The following LTBP1 variants were observed in gnomAD, a reference collection of about 807,000 sequenced individuals.
The protein encoded by LTBP1 is latent-transforming growth factor beta-binding protein 1.
In LTBP1, 129 loss-of-function variants were observed where a neutral mutation model predicts 207.6. That is an observed-to-expected ratio of 0.62 (90% confidence interval 0.54 to 0.72). The LOEUF (loss-of-function observed/expected upper bound fraction) is 0.72, where lower values mean the gene tolerates loss of function less well. Ranked by LOEUF, LTBP1 falls within the 30% of genes least tolerant of loss-of-function variation. The probability of loss-of-function intolerance (pLI) is 0.00; values close to 1 mark genes in which losing one functional copy is unlikely to be tolerated. For synonymous variants in LTBP1, 963 were observed against 833.7 expected (o/e 1.16, Z -2.67); for missense variants, 2,281 against 2,217.2 (o/e 1.03, Z -0.58).
rs758511523 is a variant in LTBP1, at chr2:33,301,585, C to A, written c.3422C>A (p.Ser1141Tyr). 6.2e-7 allele frequency: 1 copy of A among 1,613,094 alleles called. No homozygotes were observed. Among genetic ancestry groups the A allele is most frequent in the Non-Finnish European group, 8.5e-7 (1 of 1,179,660 alleles). ...AHGQCRNTEG[S>Y]FQCVCDQGYR... ...GGGCAGTGCAGGAACACTGAGGGCT[C>A]TTTTCAATGTGTGTGTGACCAGGGT... The change falls in exon 22 of 34, where the codon TCT becomes TAT. Residue 1141 changes from serine (S) to tyrosine (Y), a missense_variant. Ser to Tyr is a moderately radical substitution (Grantham distance 144). Around this residue, in one of 3 missense-constraint regions of LTBP1, gnomAD observed 1,671 missense variants for 1,634.8 expected, o/e 1.02. Transcript: ENST00000404816.
chr2:33,167,459 A>C (rs1245135237), intron 5 of LTBP1, among the ~76,000 whole-genome samples: 1 of 152,214 alleles, frequency 6.6e-6, no homozygotes, highest in Non-Finnish European at 1.5e-5. Context: ...TGAGGTCCAA[A>C]AACTGTTTCT....
intron 3 of LTBP1, among the ~76,000 whole-genome samples, chr2:33,075,616 T>C (rs1407658800): frequency 6.6e-6 from 1 of 152,330 alleles, no homozygotes; most frequent in African/African-American, 2.4e-5. Flanking sequence ...GGCTGTAAAA[T>C]TGAACCGTTA....
chr2:33,128,415 C>T (rs2081572494), intron 4 of LTBP1, among the ~76,000 whole-genome samples: 1 of 152,160 alleles, frequency 6.6e-6, no homozygotes, highest in African/African-American at 2.4e-5. Flanking sequence ...TTGCTCTGCT[C>T]CTTATTCTGT....
Position 33,119,749 on chromosome 2 carries a change from G to A in LTBP1, c.1033+8998G>A, listed in dbSNP as rs888479543. ...ATTTTTTTGTATTTTTAGTAGAGGC[G>A]GGGTTTCACCATATTAGCCAGGATG... On this transcript the variant is annotated intron_variant, in intron 4 of 33. Transcript: ENST00000404816. Among the ~76,000 whole-genome samples, 13 of 152,134 alleles carry A rather than the reference G, an allele frequency of 8.5e-5. 1 individual carries two copies. The East Asian group carries it at 1.2e-3, about 14-fold the overall frequency.
At chr2:33,326,947 C>G (rs2094435988) in intron 24 of LTBP1, among the ~76,000 whole-genome samples, 1 of 152,144 alleles carries the variant, frequency 6.6e-6, no homozygotes, top group Non-Finnish European at 1.5e-5. Context: ...TTGCACCTGG[C>G]TGATATAATT....
At chr2:33,062,318 C>G (rs951700893) in intron 3 of LTBP1, among the ~76,000 whole-genome samples, 1 of 151,948 alleles carries the variant, frequency 6.6e-6, no homozygotes, top group Non-Finnish European at 1.5e-5. Context: ...TTGTTGAGGT[C>G]TGATTTTGTA....
At chr2:33,361,309 A>G in intron 27 of LTBP1, 120 bp from the exon 28 acceptor site, 1 of 563,334 alleles carries the variant, frequency 1.8e-6, no homozygotes, top group Non-Finnish European at 3.1e-6. Flanking sequence ...AGATTGTACT[A>G]AATTTATTTG....
At chr2:33,087,521 G>A (rs1010087415) in intron 3 of LTBP1, among the ~76,000 whole-genome samples, 3 of 151,822 alleles carry the variant, frequency 2.0e-5, no homozygotes, top group African/African-American at 7.2e-5. Context: ...TTTAAGATGG[G>A]GGAATTTATT....
intron 13 of LTBP1, among the ~76,000 whole-genome samples, chr2:33,261,448 G>T (rs928408834): frequency 1.3e-5 from 2 of 152,314 alleles, no homozygotes; most frequent in Non-Finnish European, 2.9e-5. Context: ...CTGAATTTTG[G>T]TAGGTCTACT....
intron 4 of LTBP1, among the ~76,000 whole-genome samples, chr2:33,111,425 C>T (rs2080393316): frequency 6.6e-6 from 1 of 152,206 alleles, no homozygotes; most frequent in Non-Finnish European, 1.5e-5. Flanking sequence ...GAGAGCTAGA[C>T]ACACGCTCTC....
chr2:33,045,799 G>C (rs149503060), intron 3 of LTBP1, among the ~76,000 whole-genome samples: 1 of 152,084 alleles, frequency 6.6e-6, no homozygotes, highest in African/African-American at 2.4e-5. Flanking sequence ...TTGAGCAGCG[G>C]TTTGTAGTTC....
intron 24 of LTBP1, 113 bp from the exon 25 acceptor site, chr2:33,342,725 C>T: frequency 5.4e-6 from 5 of 919,208 alleles, no homozygotes; most frequent in Non-Finnish European, 7.9e-6. Flanking sequence ...ACATGTTCAT[C>T]TCATCATCAC....
chr2:33,327,384 A>AT (rs568081531), intron 24 of LTBP1, among the ~76,000 whole-genome samples: 5 of 152,038 alleles, frequency 3.3e-5, no homozygotes, highest in African/African-American at 1.2e-4. Flanking sequence ...TAAGAAAACG[A>AT]TTTTTTTTAA....
At chr2:32,981,476 A>G (rs996725821) in intron 2 of LTBP1, among the ~76,000 whole-genome samples, 1 of 152,188 alleles carries the variant, frequency 6.6e-6, no homozygotes, top group Non-Finnish European at 1.5e-5. Flanking sequence ...TGATGGATCT[A>G]TGCAGAGTTG....
intron 7 of LTBP1, among the ~76,000 whole-genome samples, chr2:33,199,319 G>C (rs993073185): frequency 3.3e-5 from 5 of 152,230 alleles, no homozygotes; most frequent in African/African-American, 7.2e-5. Flanking sequence ...TTACTTCCAA[G>C]TATGTGGTCA....
chr2:33,155,041 C>T (rs968447098), intron 5 of LTBP1, among the ~76,000 whole-genome samples: 1 of 152,120 alleles, frequency 6.6e-6, no homozygotes, highest in Non-Finnish European at 1.5e-5. Context: ...CCAGCCTGGG[C>T]TACAGAGTGA....
intron 3 of LTBP1, among the ~76,000 whole-genome samples, chr2:33,080,570 A>C (rs1399018455): frequency 6.6e-6 from 1 of 152,234 alleles, no homozygotes; most frequent in Non-Finnish European, 1.5e-5. Flanking sequence ...TATAGATAGC[A>C]CTGTCTCTGT....
chr2:33,311,586 C>T (rs940532726), intron 23 of LTBP1, among the ~76,000 whole-genome samples: 1 of 148,680 alleles, frequency 6.7e-6, no homozygotes, highest in African/African-American at 2.5e-5. Flanking sequence ...TTATTATAGG[C>T]TTTTTGGCTT....
At position 33,180,100 on chromosome 2, in the gene LTBP1, C is replaced by G. The variant is rs1241582057; in HGVS notation, c.1202-6756C>G. On this transcript the variant is annotated intron_variant, in intron 5 of 33. Coordinates refer to ENST00000404816, the MANE Select transcript of LTBP1 (RefSeq NM_206943.4). ...AACTTTTCATCTTGCTGTATTCTTC[C>G]CCCTTTAGGTTCAGCTTAAATCTCA... Among the ~76,000 whole-genome samples, 6 of 152,156 alleles carry G rather than the reference C, an allele frequency of 3.9e-5. 1 individual carries two copies. The highest frequency in any genetic ancestry group is 4.4e-5 in the Non-Finnish European group (3 of 68,024).
Sources: allele counts gnomAD v4.1 joint callset (sites outside exome capture counted in the v4.1 genomes callset), GRCh38; gene constraint gnomAD v4.1.1; regional missense constraint gnomAD v4.1.1; transcripts MANE v1.5; gene names NCBI Gene and HGNC (gene_info 2026-07-23, HGNC 2026-07-21).